SLC28A1: variants seen among roughly 807,000 people sequenced by gnomAD.
SLC28A1 encodes sodium/nucleoside cotransporter 1.
A neutral mutation model predicts 74.8 loss-of-function variants in SLC28A1; 64 were observed. The observed-to-expected ratio is 0.86, with a 90% CI of 0.70 to 1.05. The LOEUF (loss-of-function observed/expected upper bound fraction) is 1.05, where lower values mean the gene tolerates loss of function less well. SLC28A1 is among the 50% of genes least tolerant of loss of function. The probability of loss-of-function intolerance (pLI) is 0.00; values close to 1 mark genes in which losing one functional copy is unlikely to be tolerated. For missense variants in SLC28A1, 828 were observed against 822.8 expected (o/e 1.01, Z -0.08); for synonymous variants, 359 against 335.0 (o/e 1.07, Z -0.78).
Position 84,913,549 on chromosome 15 carries a change from A to T in SLC28A1, c.795+4754A>T, listed in dbSNP as rs1274274510. On this transcript the variant is annotated intron_variant, in intron 9 of 18. Transcript: ENST00000394573. ...CTGGAAAGGCCAAACATCAGGCCCC[A>T]CTGTAGACCTATTAAATCCAAAATA... Among the ~76,000 whole-genome samples the T allele has an allele frequency of 3.3e-5, 5 of 152,366 alleles. No homozygotes were observed. The East Asian group carries it at 5.8e-4, about 18-fold the overall frequency.
At position 84,885,231 on chromosome 15, in the gene SLC28A1, G is replaced by T. The variant is rs188151188; in HGVS notation, c.-133+480G>T. Among the ~76,000 whole-genome samples the T allele has an allele frequency of 3.1e-4, 47 of 149,936 alleles. 1 individual carries two copies. In the East Asian group the frequency reaches 8.4e-3, roughly 27 times the overall value. On this transcript the variant is annotated intron_variant, in intron 1 of 18. Transcript: ENST00000394573. ...ACCTTGGCCTCCCAAAGTGCTGGGA[G>T]TGCAGGCATGAGCCACCGTGCCCCC...
At chr15:84,891,912 T>C (rs749965243) in intron 5 of SLC28A1, among the ~76,000 whole-genome samples, 15 of 151,850 alleles carry the variant, frequency 9.9e-5, no homozygotes, top group Admixed American at 2.0e-4. Context: ...AGAAGGAATA[T>C]GAAGGAATGG....
At chr15:84,932,719 C>T (rs1174694544) in intron 12 of SLC28A1, among the ~76,000 whole-genome samples, 1 of 152,206 alleles carries the variant, frequency 6.6e-6, no homozygotes, top group Non-Finnish European at 1.5e-5. Context: ...ACAAATTCCT[C>T]CACTAAGGGG....
intron 9 of SLC28A1, among the ~76,000 whole-genome samples, chr15:84,914,906 C>T (rs533832429): frequency 2.6e-5 from 4 of 152,304 alleles, no homozygotes; most frequent in South Asian, 4.1e-4. Flanking sequence ...TAATCCAAAA[C>T]ATAGCTTCTC....
intron 9 of SLC28A1, among the ~76,000 whole-genome samples, chr15:84,916,901 G>A (rs377457993): frequency 2.6e-5 from 4 of 151,736 alleles, no homozygotes; most frequent in Admixed American, 1.3e-4. Flanking sequence ...GGCAGCAAGC[G>A]CCTGTAATCC....
At chr15:84,902,479 CA>C (rs34784696) in intron 6 of SLC28A1, among the ~76,000 whole-genome samples, 42 of 141,968 alleles carry the variant, frequency 3.0e-4, no homozygotes, top group Middle Eastern at 3.6e-3. Context: ...GACTTTGTCT[CA>C]AAAAAAAAAA....
At position 84,895,033 on chromosome 15, in the gene SLC28A1, G is replaced by T; in HGVS notation, c.371G>T (p.Gly124Val). Reference protein sequence around the residue: ...VLTCVVLTFLGHRLLKRLLGP... With the variant: ...VLTCVVLTFLVHRLLKRLLGP... ...ACCTGTGTGGTCCTCACCTTCCTGG[G>T]CCACCGCCTGCTGAAACGGCTTCTG... Residue 124 changes from glycine (G) to valine (V), a missense_variant, in exon 6 of 19, where the codon GGC becomes GTC. This residue lies in a region of SLC28A1 where 767 missense variants were observed against 753.5 expected (regional missense o/e 1.02). Transcript: ENST00000394573. 5 of 1,614,102 alleles carry T rather than the reference G, an allele frequency of 3.1e-6. No individual in the cohort carries two copies. Among genetic ancestry groups the T allele is most frequent in the Non-Finnish European group, 4.2e-6 (5 of 1,180,028 alleles).
intron 9 of SLC28A1, among the ~76,000 whole-genome samples, chr15:84,917,125 C>G (rs1451493965): frequency 6.7e-6 from 1 of 148,736 alleles, no homozygotes; most frequent in Admixed American, 6.7e-5. Context: ...CACATAGAAA[C>G]AAATCCTTTG....
In SLC28A1 at chr15:84,944,478, G is replaced by A. The variant is rs954647582; in HGVS notation, c.1664-88G>A. 1.9e-5 allele frequency: 16 copies of A among 841,628 alleles called. No individual in the cohort carries two copies. In the African/African-American group the frequency reaches 2.0e-4, roughly 11 times the overall value. The allele number at this position is 841,628 out of a possible 1,614,324, so 52.1% of individuals were successfully genotyped here. On this transcript the variant is annotated intron_variant, in intron 16 of 18. Coordinates refer to ENST00000394573, the MANE Select transcript of SLC28A1 (RefSeq NM_004213.5). ...GGCCATCTATTAATAGAAGAGGAAG[G>A]GAGGTCAGCAGATGCAGCCCGAGCT...
At chr15:84,957,073 A>G in the SLC28A1 span, among the ~76,000 whole-genome samples, 1 of 152,104 alleles carries the variant, frequency 6.6e-6, no homozygotes, top group African/African-American at 2.4e-5. Flanking sequence ...TAAGAAAATT[A>G]TTTTTAATTT....
chr15:84,932,021 G>C (rs1357164164), intron 12 of SLC28A1, among the ~76,000 whole-genome samples: 1 of 151,860 alleles, frequency 6.6e-6, no homozygotes, highest in African/African-American at 2.4e-5. Context: ...AATAAAGCAA[G>C]AAAGAAAATC....
At chr15:84,912,757 A>G (rs12437553) in intron 9 of SLC28A1, among the ~76,000 whole-genome samples, 18,707 of 151,224 alleles carry the variant, frequency 0.12, 1,554 homozygotes, top group Non-Finnish European at 0.17. Context: ...GATGTCTGAT[A>G]TAGACTCTGC....
chr15:84,901,141 G>C (rs936045471), intron 6 of SLC28A1, among the ~76,000 whole-genome samples: 3 of 152,182 alleles, frequency 2.0e-5, no homozygotes, highest in African/African-American at 7.2e-5. Context: ...AGAATCGCTT[G>C]AACGTGGGAG....
At chr15:84,956,468 C>CTTCTTTCT in the SLC28A1 span, among the ~76,000 whole-genome samples, 57 of 67,122 alleles carry the variant, frequency 8.5e-4, no homozygotes, top group South Asian at 2.0e-3. Context: ...TCTTTCTTTC[C>CTTCTTTCT]TTCTTTCTTT....
chr15:84,905,479 C>A, intron 7 of SLC28A1, 60 bp from the exon 8 acceptor site: 1 of 1,212,076 alleles, frequency 8.3e-7, no homozygotes, highest in Non-Finnish European at 1.2e-6. Flanking sequence ...TCACCCCCAC[C>A]CGGCTCCCTG....
At chr15:84,944,396 G>A (rs993531467) in intron 16 of SLC28A1, among the ~76,000 whole-genome samples, 170 bp from the exon 17 acceptor site, 2 of 152,194 alleles carry the variant, frequency 1.3e-5, no homozygotes, top group Non-Finnish European at 2.9e-5. Context: ...GTCCAAGCCA[G>A]GCCAAAGAGA....
chr15:84,967,904 C>T, the SLC28A1 span, among the ~76,000 whole-genome samples: 19 of 152,090 alleles, frequency 1.2e-4, no homozygotes, highest in Non-Finnish European at 1.5e-4. Flanking sequence ...TAGGGACAGA[C>T]GCACTAGACG....
At chr15:84,955,453 T>A in the SLC28A1 span, among the ~76,000 whole-genome samples, 2 of 152,092 alleles carry the variant, frequency 1.3e-5, no homozygotes, top group African/African-American at 2.4e-5. Context: ...AGTAGCAAAG[T>A]CATGATTTTT....
intron 6 of SLC28A1, among the ~76,000 whole-genome samples, chr15:84,903,669 C>T (rs1277288741): frequency 6.6e-6 from 1 of 152,194 alleles, no homozygotes; most frequent in Non-Finnish European, 1.5e-5. Flanking sequence ...GCAGTCATGG[C>T]TGGTAGTGTT....
Sources: allele counts gnomAD v4.1 joint callset (sites outside exome capture counted in the v4.1 genomes callset), GRCh38; gene constraint gnomAD v4.1.1; regional missense constraint gnomAD v4.1.1; transcripts MANE v1.5; gene names NCBI Gene and HGNC (gene_info 2026-07-23, HGNC 2026-07-21).